The following MAP2K4 variants were observed in gnomAD, a reference collection of about 807,000 sequenced individuals.
MAP2K4 encodes the protein dual specificity mitogen-activated protein kinase kinase 4.
In MAP2K4, 4 loss-of-function variants were observed where a neutral mutation model predicts 48.5. That is an observed-to-expected ratio of 0.08 (90% confidence interval 0.04 to 0.19). The LOEUF (loss-of-function observed/expected upper bound fraction) is 0.19, where lower values mean the gene tolerates loss of function less well. Ranked by LOEUF, MAP2K4 falls within the 10% of genes least tolerant of loss-of-function variation. The pLI is 1.00. For missense variants in MAP2K4, 258 were observed against 493.3 expected, an observed-to-expected ratio of 0.52 and a Z score of 4.52; for synonymous variants, 166 against 173.1, an observed-to-expected ratio of 0.96 and a Z score of 0.32.
Position 12,081,282 on chromosome 17 carries a change from A to G in MAP2K4, c.219-74A>G, listed in dbSNP as rs967907461. 54 of 1,174,918 alleles carry G rather than the reference A, an allele frequency of 4.6e-5. No homozygotes were observed. In the Admixed American group the frequency reaches 6.9e-4, roughly 15 times the overall value. The allele number at this position is 1,174,918 out of a possible 1,614,324, so 72.8% of individuals were successfully genotyped here. On this transcript the variant is annotated intron_variant, in intron 2 of 10. Transcript: ENST00000353533. This position sits in a 1 kb window ranked among gnomAD's most constrained non-coding sequence, Gnocchi z 4.2. ...AATTTAGAAAACATTTTTCCCACACATTAATCAGTACTAAAAGAAAAAAGT... is the reference window on the plus strand; with the variant it reads ...AATTTAGAAAACATTTTTCCCACACGTTAATCAGTACTAAAAGAAAAAAGT...
Position 12,141,299 on chromosome 17 carries a change from A to G in MAP2K4, c.*39A>G, listed in dbSNP as rs1973371149. On this transcript the variant is annotated 3_prime_UTR_variant, in exon 11 of 11. Transcript: ENST00000353533. ...TCAGACTCTAGAAAAAAGGGCTGAG[A>G]GGAAGCAAGACGTAAAGAATTTTCA... 2.2e-6 allele frequency: 3 copies of G among 1,383,466 alleles called. No individual in the cohort carries two copies. Among genetic ancestry groups the G allele is most frequent in the Non-Finnish European group, 3.1e-6 (3 of 970,076 alleles). 85.7% of individuals were successfully genotyped at this position (1,383,466 alleles called of 1,614,324 possible). A position where few individuals can be genotyped will look rare whatever the true frequency, so the allele number is the denominator to read the frequency against.
rs553878567 is a variant in MAP2K4 at position 12,117,608 on chromosome 17, T to G, written c.813+4248T>G. Among the ~76,000 whole-genome samples, 45 of 151,564 alleles carry G rather than the reference T, an allele frequency of 3.0e-4. No homozygotes were observed. The East Asian group carries it at 4.8e-3, about 16-fold the overall frequency. On this transcript the variant is annotated intron_variant, in intron 7 of 10. Coordinates refer to ENST00000353533, the MANE Select transcript of MAP2K4 (RefSeq NM_003010.4). ...GCATTACTCACTGTATTTTTTTTTG[T>G]TTTTTTTGCTCATTTTTTGCTCAGT...
rs28923184 is a variant in MAP2K4 at position 12,082,359 on chromosome 17, G to C, written c.393+829G>C. ...AGGGGGAACAACTTGCAAAAACAAA[G>C]GAAAAAAAGCTAGCTGTGGCCATAC... On this transcript the variant is annotated intron_variant, in intron 3 of 10. Transcript: ENST00000353533. Among the ~76,000 whole-genome samples, 145 of 152,098 alleles carry C rather than the reference G, an allele frequency of 9.5e-4. 4 individuals carry two copies. In the East Asian group the frequency reaches 0.025, roughly 26 times the overall value.
intron 2 of MAP2K4, among the ~76,000 whole-genome samples, chr17:12,071,303 T>C (rs1208661284): frequency 6.6e-6 from 1 of 152,234 alleles, no homozygotes; most frequent in African/African-American, 2.4e-5. Flanking sequence ...GGTTTTGGCT[T>C]CTTAAATCAC....
At chr17:12,092,814 C>G (rs1388729573) in intron 3 of MAP2K4, among the ~76,000 whole-genome samples, 1 of 152,118 alleles carries the variant, frequency 6.6e-6, no homozygotes, top group Non-Finnish European at 1.5e-5. Context: ...ATCACGAGGT[C>G]AGGAGATCGA....
At chr17:12,036,331 A>C (rs1969597115) in intron 1 of MAP2K4, among the ~76,000 whole-genome samples, 2 of 152,172 alleles carry the variant, frequency 1.3e-5, no homozygotes. Context: ...TGATTAATTT[A>C]TCTGTTATTT....
At chr17:12,136,189 C>CA (rs1486434071) in intron 9 of MAP2K4, among the ~76,000 whole-genome samples, 1 of 151,440 alleles carries the variant, frequency 6.6e-6, no homozygotes, top group Non-Finnish European at 1.5e-5. Flanking sequence ...ATGTAGTCCA[C>CA]AAAAAAATCT....
rs1448888173 is a variant in MAP2K4, at chr17:12,020,877, A to G, written c.-10A>G. 8.5e-7 allele frequency: 1 copy of G among 1,179,516 alleles called. No individual in the cohort carries two copies. Among genetic ancestry groups the G allele is most frequent in the African/African-American group, 1.6e-5 (1 of 62,738 alleles). The allele number at this position is 1,179,516 out of a possible 1,614,324, so 73.1% of individuals were successfully genotyped here. ...CCGCCGCGGCGCCGCTCGGCTCTTC[A>G]CTCCCAACAATGGCGGCTCCGAGCC... On this transcript the variant is annotated 5_prime_UTR_variant, in exon 1 of 11. Coordinates refer to ENST00000353533, the MANE Select transcript of MAP2K4 (RefSeq NM_003010.4).
chr17:12,086,256 G>A (rs1263198086), intron 3 of MAP2K4, among the ~76,000 whole-genome samples: 2 of 152,128 alleles, frequency 1.3e-5, no homozygotes, highest in African/African-American at 4.8e-5. Context: ...CTTACTTAAG[G>A]CATCTGTGAT....
chr17:12,128,004 A>G lies in MAP2K4; in HGVS notation c.892-1135A>G, dbSNP rs1226339178. Among the ~76,000 whole-genome samples, 7 of 152,238 alleles carry G rather than the reference A, an allele frequency of 4.6e-5. No homozygotes were observed. In the South Asian group the frequency reaches 1.2e-3, roughly 27 times the overall value. On this transcript the variant is annotated intron_variant, in intron 8 of 10. Coordinates refer to ENST00000353533, the MANE Select transcript of MAP2K4 (RefSeq NM_003010.4). The stretch of plus-strand genomic sequence containing the variant: ...TCATGTATCAGTCACCTGTCAGTGC[A>G]TGTAAAATGGGATTCATTATGCCAT...
chr17:12,109,395 C>T (rs1201984936), intron 5 of MAP2K4, among the ~76,000 whole-genome samples: 1 of 152,118 alleles, frequency 6.6e-6, no homozygotes, highest in Non-Finnish European at 1.5e-5. Flanking sequence ...TCTCTTCTTG[C>T]TAATTAATAA....
intron 7 of MAP2K4, chr17:12,115,939 A>G (rs1972479718): frequency 2.1e-6 from 1 of 482,810 alleles, no homozygotes; most frequent in Admixed American, 2.9e-5. Flanking sequence ...TTCTAACACC[A>G]GCTATGAATT....
chr17:12,108,314 T>G (rs1972191759), intron 5 of MAP2K4, among the ~76,000 whole-genome samples: 1 of 152,090 alleles, frequency 6.6e-6, no homozygotes, highest in African/African-American at 2.4e-5. Context: ...TTACTGTGAT[T>G]TAAGATTTTG....
intron 7 of MAP2K4, among the ~76,000 whole-genome samples, chr17:12,120,145 G>A (rs1335724739): frequency 1.3e-5 from 2 of 152,044 alleles, no homozygotes; most frequent in Non-Finnish European, 2.9e-5. Flanking sequence ...GTAATCCTGG[G>A]CCTAAAGTAA....
intron 6 of MAP2K4, among the ~76,000 whole-genome samples, chr17:12,111,435 A>G (rs1972299116): frequency 6.6e-6 from 1 of 151,436 alleles, no homozygotes; most frequent in African/African-American, 2.4e-5. Context: ...AGGTCCCTAA[A>G]CAAAATTCTT....
chr17:12,131,372 AGTACTGCTGG>A (rs916230085), intron 9 of MAP2K4, among the ~76,000 whole-genome samples: 1 of 151,336 alleles, frequency 6.6e-6, no homozygotes, highest in Admixed American at 6.6e-5. Context: ...CAGCCTCCTG[AGTACTGCTGG>A]GATTACAGGC....
intron 8 of MAP2K4, among the ~76,000 whole-genome samples, chr17:12,125,587 C>T (rs1470236048): frequency 6.6e-6 from 1 of 152,024 alleles, no homozygotes; most frequent in Non-Finnish European, 1.5e-5. Context: ...TGTCTAGAGC[C>T]CTTTAATGTT....
intron 2 of MAP2K4, among the ~76,000 whole-genome samples, chr17:12,060,136 C>T (rs1970402562): frequency 6.6e-6 from 1 of 151,074 alleles, no homozygotes; most frequent in African/African-American, 2.5e-5. Flanking sequence ...CACTGCACTC[C>T]AGCCTGTGTA....
intron 1 of MAP2K4, among the ~76,000 whole-genome samples, chr17:12,052,161 G>C (rs926413268): frequency 6.6e-6 from 1 of 152,136 alleles, no homozygotes; most frequent in Non-Finnish European, 1.5e-5. Flanking sequence ...GTTGGCACTT[G>C]TTTTAGGCTT....
Sources: allele counts gnomAD v4.1 joint callset (sites outside exome capture counted in the v4.1 genomes callset), GRCh38; gene constraint gnomAD v4.1.1; non-coding constraint Gnocchi (gnomAD v3.1); transcripts MANE v1.5; gene names NCBI Gene and HGNC (gene_info 2026-07-23, HGNC 2026-07-21).